Variants in PARD3B observed in about 807,000 individuals in gnomAD.
PARD3B encodes the protein par-3 family cell polarity regulator beta.
A neutral mutation model predicts 130.2 loss-of-function variants in PARD3B; 103 were observed. The observed-to-expected ratio is 0.79, with a 90% CI of 0.67 to 0.93. PARD3B has a LOEUF of 0.93. Among genes scored for constraint, PARD3B ranks in the 40% least tolerant of loss-of-function variants. The probability of loss-of-function intolerance (pLI) is 0.00; values close to 1 mark genes in which losing one functional copy is unlikely to be tolerated. For missense variants in PARD3B, 1,609 were observed against 1,499.2 expected (o/e 1.07, Z -1.21); for synonymous variants, 583 against 553.2 (o/e 1.05, Z -0.76).
intron 10 of PARD3B, among the ~76,000 whole-genome samples, chr2:205,150,473 A>G (rs1440225578): frequency 1.3e-5 from 2 of 152,138 alleles, no homozygotes; most frequent in South Asian, 2.1e-4. Flanking sequence ...TTGAACCAGG[A>G]TTCTTGGAGG....
intron 1 of PARD3B, among the ~76,000 whole-genome samples, chr2:204,654,974 G>T (rs1446401143): frequency 6.6e-6 from 1 of 152,128 alleles, no homozygotes; most frequent in African/African-American, 2.4e-5. Flanking sequence ...GAAATCTACT[G>T]CTGTGGAACA....
At chr2:205,346,367 G>A (rs2043791619) in intron 18 of PARD3B, among the ~76,000 whole-genome samples, 2 of 151,722 alleles carry the variant, frequency 1.3e-5, no homozygotes, top group African/African-American at 4.8e-5. Flanking sequence ...TTGCCTCCTT[G>A]CCTCCCCACA....
At position 205,194,950 on chromosome 2, in the gene PARD3B, A is replaced by ATTTT. The variant is rs56836818; in HGVS notation, c.2140+1647_2140+1650dup. Among the ~76,000 whole-genome samples, 216 of 111,194 alleles carry ATTTT rather than the reference A, an allele frequency of 1.9e-3. 4 individuals carry two copies. The highest frequency in any genetic ancestry group is 7.2e-3 in the African/African-American group (200 of 27,936). The allele number at this position is 111,194 out of a possible 152,430, so 72.9% of individuals were successfully genotyped here. A position where few individuals can be genotyped will look rare whatever the true frequency, so the allele number is the denominator to read the frequency against. On this transcript the variant is annotated intron_variant, in intron 15 of 22. Coordinates refer to ENST00000406610, the MANE Select transcript of PARD3B (RefSeq NM_001302769.2). The stretch of plus-strand genomic sequence containing the variant: ...AGGTGTCTGCCACCACGCCAGGCTA[A>ATTTT]TTTTTTTTTTTTTTTTTTTTGTATT...
At chr2:204,850,749 C>T (rs1009007192) in intron 2 of PARD3B, among the ~76,000 whole-genome samples, 5 of 152,102 alleles carry the variant, frequency 3.3e-5, no homozygotes, top group Non-Finnish European at 7.4e-5. Context: ...CATGTGACTG[C>T]CTATGAGTTT....
rs75894528 is a variant in PARD3B, at chr2:205,329,846, T to C, written c.2630+28145T>C. Among the ~76,000 whole-genome samples, 675 of 150,570 alleles carry C rather than the reference T, an allele frequency of 4.5e-3. 2 individuals carry two copies. The highest frequency in any genetic ancestry group is 7.7e-3 in the Non-Finnish European group (524 of 67,696). ...TCTCTACTAAAAATAACACAAAAAT[T>C]AGCCGGGCGTGTTGGCACATGCCTG... On this transcript the variant is annotated intron_variant, in intron 18 of 22. Coordinates refer to ENST00000406610, the MANE Select transcript of PARD3B (RefSeq NM_001302769.2).
At chr2:204,649,504 T>C (rs2035405672) in intron 1 of PARD3B, among the ~76,000 whole-genome samples, 1 of 151,832 alleles carries the variant, frequency 6.6e-6, no homozygotes, top group South Asian at 2.1e-4. Flanking sequence ...TTTGGAAAGA[T>C]GAGAAAGAAA....
chr2:204,567,698 C>T (rs1447229561), intron 1 of PARD3B, among the ~76,000 whole-genome samples: 3 of 152,150 alleles, frequency 2.0e-5, no homozygotes, highest in Non-Finnish European at 4.4e-5. Flanking sequence ...CTGTTCTACT[C>T]TCTGCTTTCA....
chr2:204,621,122 A>G (rs1559189875), intron 1 of PARD3B, among the ~76,000 whole-genome samples: 1 of 152,226 alleles, frequency 6.6e-6, no homozygotes, highest in South Asian at 2.1e-4. Context: ...TAGGTATTCA[A>G]TAAACATCTT....
At chr2:205,362,806 G>T (rs182924830) in intron 18 of PARD3B, among the ~76,000 whole-genome samples, 2 of 152,154 alleles carry the variant, frequency 1.3e-5, no homozygotes, top group African/African-American at 4.8e-5. Flanking sequence ...AAAGTTACAG[G>T]GTGCTGAAAT....
chr2:205,523,700 T>C (rs2051198009), intron 21 of PARD3B, among the ~76,000 whole-genome samples: 1 of 152,044 alleles, frequency 6.6e-6, no homozygotes, highest in Admixed American at 6.6e-5. Context: ...AAAATATTTT[T>C]AATGTGACAT....
chr2:204,564,449 C>T (rs1405871910), intron 1 of PARD3B, among the ~76,000 whole-genome samples: 1 of 152,118 alleles, frequency 6.6e-6, no homozygotes, highest in African/African-American at 2.4e-5. Flanking sequence ...TTGATCCTAA[C>T]ACCCCTTTGC....
At chr2:204,813,038 C>A (rs2043017140) in intron 2 of PARD3B, among the ~76,000 whole-genome samples, 1 of 152,012 alleles carries the variant, frequency 6.6e-6, no homozygotes, top group Non-Finnish European at 1.5e-5. Context: ...GTGTATAAAT[C>A]TTTTTTATGA....
intron 2 of PARD3B, among the ~76,000 whole-genome samples, chr2:204,711,395 C>G (rs529515364): frequency 9.2e-5 from 14 of 152,042 alleles, no homozygotes; most frequent in South Asian, 2.1e-4. Context: ...AATGTATGAA[C>G]AGATAATAAA....
chr2:204,764,048 A>G (rs911999785), intron 2 of PARD3B, among the ~76,000 whole-genome samples: 4 of 152,170 alleles, frequency 2.6e-5, no homozygotes, highest in Non-Finnish European at 5.9e-5. Context: ...ATGACCAAGA[A>G]AATTAAGGAG....
intron 18 of PARD3B, among the ~76,000 whole-genome samples, chr2:205,380,576 A>T (rs1396775629): frequency 0.38 from 6 of 16 alleles, 1 homozygote; most frequent in African/African-American, 0.5. Flanking sequence ...ATATATAAAG[A>T]ATATATATTA....
chr2:204,705,682 A>G (rs1205031678), intron 2 of PARD3B, among the ~76,000 whole-genome samples: 1 of 152,184 alleles, frequency 6.6e-6, no homozygotes, highest in Non-Finnish European at 1.5e-5. Context: ...TAAGCTGGGG[A>G]GGAGAAAAGA....
At chr2:205,246,014 C>A (rs2039556329) in intron 16 of PARD3B, among the ~76,000 whole-genome samples, 192 bp downstream of exon 16, 1 of 152,040 alleles carries the variant, frequency 6.6e-6, no homozygotes, top group African/African-American at 2.4e-5. Flanking sequence ...TATGCTGACT[C>A]AGAATGTTTG....
intron 11 of PARD3B, among the ~76,000 whole-genome samples, chr2:205,163,244 A>G (rs2034610123): frequency 6.6e-6 from 1 of 152,184 alleles, no homozygotes; most frequent in African/African-American, 2.4e-5. Flanking sequence ...TTTTTGCTAA[A>G]GGAAGAATGT....
At chr2:204,973,380 A>C (rs1691870293) in intron 3 of PARD3B, among the ~76,000 whole-genome samples, 1 of 152,174 alleles carries the variant, frequency 6.6e-6, no homozygotes, top group South Asian at 2.1e-4. Flanking sequence ...TTCCTAAATA[A>C]ATTATTTATA....
Sources: gnomAD v4.1 joint callset for allele counts (sites outside exome capture counted in the v4.1 genomes callset) on GRCh38, gnomAD v4.1.1 for gene constraint, MANE v1.5 for transcripts, NCBI Gene and HGNC (gene_info 2026-07-23, HGNC 2026-07-21) for gene names.